Variants in SLC4A10 observed in about 807,000 individuals in gnomAD.
SLC4A10 encodes sodium-driven chloride bicarbonate exchanger.
SLC4A10 carries 42 observed loss-of-function variants against 137.7 expected under a neutral mutation model. The observed-to-expected ratio is 0.30, with a 90% CI of 0.24 to 0.39. The LOEUF (loss-of-function observed/expected upper bound fraction) is 0.39, where lower values mean the gene tolerates loss of function less well. Ranked by LOEUF, SLC4A10 falls within the 10% of genes least tolerant of loss-of-function variation. SLC4A10 has a pLI of 1.00. For synonymous variants in SLC4A10, 474 were observed against 464.1 expected (o/e 1.02, Z -0.27); for missense variants, 925 against 1,355.0 (o/e 0.68, Z 4.98).
chr2:161,919,393 G>C (rs545605910), intron 15 of SLC4A10, among the ~76,000 whole-genome samples: 1 of 152,208 alleles, frequency 6.6e-6, no homozygotes, highest in Non-Finnish European at 1.5e-5. Flanking sequence ...CTGCAGACTG[G>C]AGTGAGAAAT....
chr2:161,785,545 G>T (rs1469146792), intron 2 of SLC4A10, among the ~76,000 whole-genome samples: 1 of 151,718 alleles, frequency 6.6e-6, no homozygotes, highest in Non-Finnish European at 1.5e-5. Flanking sequence ...GGAAGCAATG[G>T]ATACCCTGGG....
At chr2:161,784,245 T>C (rs940392096) in intron 2 of SLC4A10, among the ~76,000 whole-genome samples, 4 of 151,768 alleles carry the variant, frequency 2.6e-5, no homozygotes, top group African/African-American at 7.2e-5. Context: ...AAAGCAAACA[T>C]TGACAAAACT....
intron 15 of SLC4A10, among the ~76,000 whole-genome samples, chr2:161,926,519 C>T (rs1217217133): frequency 6.7e-6 from 1 of 149,828 alleles, no homozygotes; most frequent in African/African-American, 2.4e-5. Context: ...TCCAATTTGC[C>T]AATCTGTGTC....
intron 3 of SLC4A10, among the ~76,000 whole-genome samples, chr2:161,813,062 G>A (rs576760416): frequency 6.6e-6 from 1 of 151,190 alleles, no homozygotes; most frequent in South Asian, 2.1e-4. Context: ...TTTTTTTCTG[G>A]TTGGTAGAGT....
chr2:161,850,880 T>G (rs774246434), intron 4 of SLC4A10, among the ~76,000 whole-genome samples: 16 of 152,180 alleles, frequency 1.1e-4, no homozygotes, highest in Non-Finnish European at 2.2e-4. Flanking sequence ...ACACTGCTTT[T>G]GCCCTGTCCC....
At chr2:161,772,489 A>T (rs938571364) in intron 2 of SLC4A10, among the ~76,000 whole-genome samples, 11 of 151,960 alleles carry the variant, frequency 7.2e-5, no homozygotes, top group South Asian at 6.2e-4. Flanking sequence ...GATCATTTTA[A>T]TTGTTATACC....
intron 1 of SLC4A10, among the ~76,000 whole-genome samples, chr2:161,722,917 G>A (rs1559110548): frequency 6.6e-6 from 1 of 152,202 alleles, no homozygotes; most frequent in Non-Finnish European, 1.5e-5. Flanking sequence ...GAGGAGGGAT[G>A]GATCCAAATC....
intron 15 of SLC4A10, among the ~76,000 whole-genome samples, chr2:161,941,202 A>C (rs1692621045): frequency 6.6e-6 from 1 of 152,214 alleles, no homozygotes; most frequent in African/African-American, 2.4e-5. Flanking sequence ...CAGAGGCTCA[A>C]AATCATTCCA....
At chr2:161,769,082 A>T (rs2051242920) in intron 1 of SLC4A10, among the ~76,000 whole-genome samples, 1 of 151,996 alleles carries the variant, frequency 6.6e-6, no homozygotes, top group South Asian at 2.1e-4. Context: ...GTAACAAAGC[A>T]GTTCTGGAAT....
chr2:161,965,111 A>T lies in SLC4A10; in HGVS notation c.3097A>T (p.Ser1033Cys). ...CTTGTTGTTCACGAAGCGGGAACTC[A>T]GCTGGTTGGATGATTTGATGCCCGA... The part of the protein sequence containing the change: ...MDLLFTKREL[S>C]WLDDLMPESK... The change falls in exon 23 of 27, where the codon AGC becomes TGC. Residue 1033 changes from serine to cysteine, a missense_variant. Physicochemically the swap from Ser to Cys is moderately radical, Grantham distance 112 (BLOSUM62 -1). Around this residue, in one of 11 missense-constraint regions of SLC4A10, gnomAD observed 115 missense variants for 237.5 expected, o/e 0.48. Transcript: ENST00000446997. 6.2e-7 allele frequency: 1 copy of T among 1,612,844 alleles called. No individual in the cohort carries two copies. The highest frequency in any genetic ancestry group is 8.5e-7 in the Non-Finnish European group (1 of 1,179,166).
intron 3 of SLC4A10, among the ~76,000 whole-genome samples, chr2:161,836,530 G>GAGAAAGAA (rs71009343): frequency 2.5e-5 from 2 of 79,220 alleles, no homozygotes; most frequent in African/African-American, 4.9e-5. Context: ...GAGAGAGAGA[G>GAGAAAGAA]AGAAAGAAAG....
At chr2:161,825,013 G>A (rs182614534) in intron 3 of SLC4A10, among the ~76,000 whole-genome samples, 363 of 152,132 alleles carry the variant, frequency 2.4e-3, no homozygotes, top group African/African-American at 6.6e-3. Context: ...CACTTAATGA[G>A]TAGTAAATAT....
intron 1 of SLC4A10, among the ~76,000 whole-genome samples, chr2:161,697,037 T>C (rs569917623): frequency 6.6e-6 from 1 of 152,362 alleles, no homozygotes; most frequent in Admixed American, 6.5e-5. Flanking sequence ...GGTTTTGATG[T>C]GCATTTCTCT....
intron 15 of SLC4A10, among the ~76,000 whole-genome samples, chr2:161,941,417 G>A (rs1003059895): frequency 2.0e-5 from 3 of 152,112 alleles, no homozygotes; most frequent in Admixed American, 1.3e-4. Flanking sequence ...ATATTCAACC[G>A]GCTATTGGAG....
chr2:161,701,232 G>T (rs2125004663), intron 1 of SLC4A10, among the ~76,000 whole-genome samples: 1 of 152,058 alleles, frequency 6.6e-6, no homozygotes, highest in South Asian at 2.1e-4. Context: ...TAAAGGGTGA[G>T]TTTTGAGGGT....
chr2:161,640,259 G>C (rs1281125426), intron 1 of SLC4A10, among the ~76,000 whole-genome samples: 1 of 152,090 alleles, frequency 6.6e-6, no homozygotes, highest in Non-Finnish European at 1.5e-5. Flanking sequence ...GGGCTCCCAT[G>C]TTCTTTTAAC....
At chr2:161,916,263 A>G (rs1036220214) in intron 15 of SLC4A10, among the ~76,000 whole-genome samples, 7 of 152,218 alleles carry the variant, frequency 4.6e-5, no homozygotes, top group African/African-American at 1.4e-4. Context: ...CCCTCAGTAA[A>G]TGACAATCCC....
At chr2:161,870,301 GT>G (rs902193301) in intron 6 of SLC4A10, among the ~76,000 whole-genome samples, 2 of 151,508 alleles carry the variant, frequency 1.3e-5, no homozygotes, top group African/African-American at 2.4e-5. Flanking sequence ...TTCTTCAAAT[GT>G]TAAGTTCCGC....
At chr2:161,734,668 A>C (rs1194362911) in intron 1 of SLC4A10, among the ~76,000 whole-genome samples, 1 of 152,134 alleles carries the variant, frequency 6.6e-6, no homozygotes, top group Admixed American at 6.6e-5. Flanking sequence ...TTTTAAAATA[A>C]ATACTCATTT....
Sources: allele counts gnomAD v4.1 joint callset (sites outside exome capture counted in the v4.1 genomes callset), GRCh38; gene constraint gnomAD v4.1.1; regional missense constraint gnomAD v4.1.1; transcripts MANE v1.5; gene names NCBI Gene and HGNC (gene_info 2026-07-23, HGNC 2026-07-21).